The following SYNE2 variants were observed in gnomAD, a reference collection of about 807,000 sequenced individuals.
SYNE2 encodes nesprin-2.
Under a neutral mutation model 856.3 loss-of-function variants are expected in SYNE2, and 431 were observed. The observed-to-expected ratio is 0.50, with a 90% CI of 0.47 to 0.55. The LOEUF is 0.55. SYNE2 is among the 20% of genes least tolerant of loss of function. SYNE2 has a pLI of 0.00. For missense variants in SYNE2, 8,129 were observed against 8,023.2 expected, an observed-to-expected ratio of 1.01 and a Z score of -0.50; for synonymous variants, 2,923 against 2,872.3, an observed-to-expected ratio of 1.02 and a Z score of -0.56.
At chr14:64,159,254 C>T in intron 86 of SYNE2, 58 bp from the exon 87 acceptor site, 1 of 1,611,382 alleles carries the variant, frequency 6.2e-7, no homozygotes, top group Non-Finnish European at 8.5e-7. Context: ...AAGCTGCCAC[C>T]TTCTTTGGAA....
rs753442166 is a variant in SYNE2 at position 64,214,355 on chromosome 14, C to T, written c.19218C>T (p.Cys6406=). 3.1e-6 allele frequency: 5 copies of T among 1,613,948 alleles called. No homozygotes were observed. The highest frequency in any genetic ancestry group is 1.7e-6 in the Non-Finnish European group (2 of 1,180,022). ...LVAPGHERSG[C]ETPVSVDSIP... Reference sequence around the variant, plus strand: ...CCCCAGGGCACGAGCGGTCTGGCTGCGAGACCCCTGTCAGCGTGGACTCCA... The same window carrying T: ...CCCCAGGGCACGAGCGGTCTGGCTGTGAGACCCCTGTCAGCGTGGACTCCA... The change falls in exon 106 of 116, where the codon TGC becomes TGT. Residue 6406 remains cysteine, a synonymous_variant. Coordinates refer to ENST00000555002, the MANE Select transcript of SYNE2 (RefSeq NM_182914.3).
intron 1 of SYNE2, among the ~76,000 whole-genome samples, chr14:63,874,727 G>T (rs1273147959): frequency 6.6e-6 from 1 of 152,086 alleles, no homozygotes; most frequent in East Asian, 1.9e-4. Flanking sequence ...CAAAAATCTT[G>T]CAAGAAGATT....
chr14:64,135,056 T>C (rs1255920127), intron 78 of SYNE2, among the ~76,000 whole-genome samples: 1 of 152,170 alleles, frequency 6.6e-6, no homozygotes, highest in Non-Finnish European at 1.5e-5. Flanking sequence ...TTATCATCTG[T>C]CTCTGTGTCT....
intron 30 of SYNE2, 118 bp downstream of exon 30, chr14:64,003,448 T>A: frequency 1.6e-6 from 2 of 1,227,126 alleles, no homozygotes; most frequent in East Asian, 2.4e-5. Context: ...CCCACTCTAT[T>A]CAGTGTTCAG....
At chr14:63,960,716 T>C (rs147898631) in intron 8 of SYNE2, 20 of 761,610 alleles carry the variant, frequency 2.6e-5, no homozygotes, top group Middle Eastern at 4.5e-4. Context: ...TGTGATTTTA[T>C]GATCTCCTTC....
chr14:64,138,946 G>GTGTGGTGTGTGT (rs1465109787), intron 79 of SYNE2, among the ~76,000 whole-genome samples: 1 of 137,696 alleles, frequency 7.3e-6, no homozygotes, highest in Non-Finnish European at 1.6e-5. Context: ...GTGTATGTAT[G>GTGTGGTGTGTGT]GTGTGTGTGT....
At chr14:64,222,047 C>G (rs572156065) in intron 112 of SYNE2, among the ~76,000 whole-genome samples, 2 of 152,328 alleles carry the variant, frequency 1.3e-5, no homozygotes, top group Admixed American at 6.5e-5. Context: ...TGCTTCACAC[C>G]TGTGATGAGC....
chr14:64,165,158 A>T, intron 89 of SYNE2, 127 bp from the exon 90 acceptor site: 1 of 949,056 alleles, frequency 1.1e-6, no homozygotes, highest in Non-Finnish European at 1.7e-6. Context: ...AAGTGCTGGG[A>T]TTACAGCCAT....
Position 64,078,518 on chromosome 14 carries a change from T to C in SYNE2, c.11075T>C (p.Ile3692Thr), listed in dbSNP as rs749084800. ...CCATCATATGCAATGAGGAGAAAAATAGAAGAAATTAACAATGGGCTTCAT... is the reference window on the plus strand; with the variant it reads ...CCATCATATGCAATGAGGAGAAAAACAGAAGAAATTAACAATGGGCTTCAT... Reference protein sequence around the residue: ...SSPSYAMRRKIEEINNGLHNV... With the variant: ...SSPSYAMRRKTEEINNGLHNV... The change falls in exon 55 of 116, where the codon ATA (isoleucine) becomes ACA (threonine). Residue 3692 changes from isoleucine (I) to threonine (T), a missense_variant. This residue lies in a region of SYNE2 where 5,410 missense variants were observed against 5,284.8 expected (regional missense o/e 1.02). Coordinates refer to ENST00000555002, the MANE Select transcript of SYNE2 (RefSeq NM_182914.3). The C allele has an allele frequency of 3.1e-6, 5 of 1,614,016 alleles. No individual in the cohort carries two copies. The highest frequency in any genetic ancestry group is 2.2e-5 in the South Asian group (2 of 91,080).
intron 1 of SYNE2, among the ~76,000 whole-genome samples, chr14:63,898,020 G>A (rs141886722): frequency 6.6e-6 from 1 of 152,146 alleles, no homozygotes; most frequent in Non-Finnish European, 1.5e-5. Flanking sequence ...GTCTTATCAT[G>A]AGCTGCTTTA....
chr14:63,904,760 G>C (rs2095386605), intron 1 of SYNE2, among the ~76,000 whole-genome samples: 1 of 151,972 alleles, frequency 6.6e-6, no homozygotes, highest in African/African-American at 2.4e-5. Context: ...CCATTCTGTA[G>C]GTTGTTTACT....
chr14:64,002,198 C>T (rs1346170286), intron 29 of SYNE2, 117 bp downstream of exon 29: 2 of 927,280 alleles, frequency 2.2e-6, no homozygotes, highest in Non-Finnish European at 3.3e-6. Flanking sequence ...TAAGCCATGA[C>T]AGTTTTTTTT....
chr14:63,919,684 T>C (rs2095573787), intron 2 of SYNE2, among the ~76,000 whole-genome samples: 1 of 152,138 alleles, frequency 6.6e-6, no homozygotes, highest in South Asian at 2.1e-4. Context: ...CGCAATGGCA[T>C]GGAAACCCCT....
In SYNE2 at chr14:64,221,525, C is replaced by G. The variant is rs779096481; in HGVS notation, c.20062-51C>G. 4.3e-6 allele frequency: 7 copies of G among 1,614,076 alleles called. No individual in the cohort carries two copies. The South Asian group carries it at 4.4e-5, about 10-fold the overall frequency. On this transcript the variant is annotated intron_variant, in intron 111 of 115. Transcript: ENST00000555002. The stretch of plus-strand genomic sequence containing the variant: ...CAGTAAGCCATGTTCCTGGCACACC[C>G]TCTTCCAGGGCTCTAAGACACGGCC...
intron 45 of SYNE2, among the ~76,000 whole-genome samples, chr14:64,037,130 C>T (rs2097096702): frequency 6.6e-6 from 1 of 150,922 alleles, no homozygotes; most frequent in Admixed American, 6.6e-5. Context: ...AATACTGTCT[C>T]CTCTTTTTTT....
chr14:64,032,637 A>G (rs1423857469), intron 45 of SYNE2, among the ~76,000 whole-genome samples: 2 of 151,748 alleles, frequency 1.3e-5, no homozygotes, highest in Non-Finnish European at 2.9e-5. Flanking sequence ...CAATGGTGCA[A>G]TCTTGGCTCA....
chr14:64,094,840 A>G (rs532407629), intron 61 of SYNE2, among the ~76,000 whole-genome samples: 1 of 152,378 alleles, frequency 6.6e-6, no homozygotes, highest in African/African-American at 2.4e-5. Flanking sequence ...TTTTTAAGCA[A>G]CAATAATAAA....
Position 64,076,005 on chromosome 14 carries a change from C to T in SYNE2, c.10927C>T (p.Arg3643Ter), listed in dbSNP as rs367711497. ...TTTTGAGAATATTATGGAAAAACTG[C>T]GAATCAAGTATTCCGAAATGTACAC... is the stretch of plus-strand genomic sequence containing the variant. ...LTFENIMEKL[R>*]IKYSEMYTIV... is the part of the protein sequence containing the mutation. Residue 3643 changes from arginine (R) to a stop codon, truncating the protein, a stop_gained, in exon 54 of 116, where the codon CGA (arginine) becomes TGA (stop). Coordinates refer to ENST00000555002, the MANE Select transcript of SYNE2 (RefSeq NM_182914.3). LOFTEE classifies it high-confidence loss of function. 7.4e-6 allele frequency: 12 copies of T among 1,613,640 alleles called. No homozygotes were observed. The highest frequency in any genetic ancestry group is 4.5e-5 in the East Asian group (2 of 44,848).
chr14:63,918,019 G>A (rs999270309), intron 2 of SYNE2, among the ~76,000 whole-genome samples: 2 of 151,946 alleles, frequency 1.3e-5, no homozygotes, highest in African/African-American at 4.8e-5. Flanking sequence ...TGTTAAAGTG[G>A]GTTAACAAAG....
Sources: gnomAD v4.1 joint callset for allele counts (sites outside exome capture counted in the v4.1 genomes callset) on GRCh38, gnomAD v4.1.1 for gene constraint, gnomAD v4.1.1 regional missense constraint, MANE v1.5 for transcripts, NCBI Gene and HGNC (gene_info 2026-07-23, HGNC 2026-07-21) for gene names.